The following SAMD11 variants were observed in gnomAD, a reference collection of about 807,000 sequenced individuals.
SAMD11 encodes the protein sterile alpha motif domain-containing protein 11.
SAMD11 carries 77 observed loss-of-function variants against 64.4 expected under a neutral mutation model. The ratio of observed to expected loss-of-function variants is 1.20; its 90% CI spans 0.99 to 1.44. SAMD11 has a LOEUF of 1.44. SAMD11 is among the 40% of genes most tolerant of loss of function. The probability of loss-of-function intolerance (pLI) is 0.00; values close to 1 mark genes in which losing one functional copy is unlikely to be tolerated. For synonymous variants in SAMD11, 658 were observed against 421.9 expected, an observed-to-expected ratio of 1.56 and a Z score of -6.86; for missense variants, 1,402 against 943.3, an observed-to-expected ratio of 1.49 and a Z score of -6.37.
chr1:933,544 CCAGAGGGGGGACCCCTGGGGAGAA>C (rs1406027023), intron 4 of SAMD11, among the ~76,000 whole-genome samples: 1 of 104,746 alleles, frequency 9.5e-6, no homozygotes, highest in Non-Finnish European at 2.4e-5. Context: ...CCTGGGGACA[CCAGAGGGGGGACCCCTGGGGAGAA>C]CTCCATGGCA....
At chr1:927,303 G>C (rs115239915) in intron 2 of SAMD11, among the ~76,000 whole-genome samples, 1 of 152,150 alleles carries the variant, frequency 6.6e-6, no homozygotes, top group African/African-American at 2.4e-5. Context: ...CCTAGCCTTG[G>C]GTCTCTGTTT....
chr1:925,895 C>G (rs199884417), intron 1 of SAMD11, 27 bp from the exon 2 acceptor site: 3 of 1,548,856 alleles, frequency 1.9e-6, no homozygotes, highest in African/African-American at 1.4e-5. Context: ...CGCTCCCTCA[C>G]AGGGTCTGCC....
rs574348084 is a variant in SAMD11, at chr1:932,957, C to T, written c.842+1868C>T. 2.8e-3 allele frequency among the ~76,000 whole-genome samples: 419 copies of T among 152,310 alleles called. 4 individuals carry two copies. The highest frequency in any genetic ancestry group is 4.5e-3 in the Non-Finnish European group (309 of 68,006). Reference sequence around the variant, plus strand: ...AGGCCGTGTGGTCATCAATGAGGGGCGGTGGCGGGAGGCCCATGCGTGGGC... The same window carrying T: ...AGGCCGTGTGGTCATCAATGAGGGGTGGTGGCGGGAGGCCCATGCGTGGGC... On this transcript the variant is annotated intron_variant, in intron 4 of 13. Transcript: ENST00000616016.
intron 1 of SAMD11, among the ~76,000 whole-genome samples, chr1:925,343 G>C (rs1198062242): frequency 6.7e-6 from 1 of 150,164 alleles, no homozygotes; most frequent in Admixed American, 6.6e-5. Flanking sequence ...CGGCGGGGGA[G>C]GCTGCGGGGC....
chr1:929,290 C>T (rs1041571026), intron 2 of SAMD11, among the ~76,000 whole-genome samples: 1 of 152,222 alleles, frequency 6.6e-6, no homozygotes, highest in Non-Finnish European at 1.5e-5. Flanking sequence ...CCGAGGCACC[C>T]ACAGCTCCAC....
At chr1:939,733 G>A (rs1009236748) in intron 7 of SAMD11, among the ~76,000 whole-genome samples, 6 of 152,148 alleles carry the variant, frequency 3.9e-5, no homozygotes, top group Non-Finnish European at 5.9e-5. Context: ...AGCACCCCCC[G>A]AGGAGAGCAA....
At position 935,807 on chromosome 1, in the gene SAMD11, T is replaced by C. The variant is rs1641402543; in HGVS notation, c.878T>C (p.Val293Ala). Residue 293 changes from valine to alanine, a missense_variant, in exon 5 of 14, where the codon GTC becomes GCC. Physicochemically the swap from Val to Ala is moderately conservative, Grantham distance 64. Transcript: ENST00000616016. ...DGNLPTLISS[V>A]HRSRHLVMPE... is the part of the protein sequence containing the mutation. The stretch of plus-strand genomic sequence containing the variant: ...AACCTTCCCACCCTCATATCCAGCG[T>C]CCACCGCAGCCGCCACCTCGTTATG... 1 of 1,613,336 alleles carries C rather than the reference T, an allele frequency of 6.2e-7. No individual in the cohort carries two copies. The highest frequency in any genetic ancestry group is 1.1e-5 in the South Asian group (1 of 91,074).
rs770459310 is a variant in SAMD11, at chr1:943,239, G to A, written c.2054-14G>A. On this transcript the variant is annotated splice_polypyrimidine_tract_variant and intron_variant, in intron 11 of 13. Coordinates refer to ENST00000616016, the MANE Select transcript of SAMD11 (RefSeq NM_001385641.1). ...AAGCCAGCCAGAGCCCTAGTAACAC[G>A]CCCCACAACTCAGGCGCGGTAGGGG... 29 of 1,612,458 alleles carry A rather than the reference G, an allele frequency of 1.8e-5. No homozygotes were observed. The highest frequency in any genetic ancestry group is 1.2e-4 in the South Asian group (11 of 90,972).
intron 4 of SAMD11, among the ~76,000 whole-genome samples, chr1:931,511 G>A (rs1383373025): frequency 6.6e-6 from 1 of 152,214 alleles, no homozygotes; most frequent in East Asian, 1.9e-4. Context: ...GTGTGTAGGA[G>A]CTCTAAGGCG....
intron 4 of SAMD11, 69 bp from the exon 5 acceptor site, chr1:935,703 C>T: frequency 1.2e-6 from 2 of 1,601,088 alleles, no homozygotes; most frequent in Non-Finnish European, 1.7e-6. Context: ...TAGGCACTCC[C>T]TGTGCCCAGG....
chr1:943,205 G>A (rs372259154), intron 11 of SAMD11, 48 bp from the exon 12 acceptor site: 13 of 1,610,472 alleles, frequency 8.1e-6, no homozygotes, highest in East Asian at 2.2e-5. Flanking sequence ...GAGACGGGCG[G>A]GTATGGGAAA....
At chr1:940,385 G>C (rs1244060731) in intron 7 of SAMD11, 1 of 150,620 alleles carries the variant, frequency 6.6e-6, no homozygotes, top group Admixed American at 6.7e-5. Flanking sequence ...GCCCCGCTGG[G>C]ATCGATGCGG....
chr1:935,426 C>CGGAGTTCCTCT (rs59561572), intron 4 of SAMD11, among the ~76,000 whole-genome samples: 5 of 152,022 alleles, frequency 3.3e-5, no homozygotes, highest in African/African-American at 1.2e-4. Context: ...TCTTCCCGGG[C>CGGAGTTCCTCT]GCCCGGTGGG....
Position 942,878 on chromosome 1 carries a change from G to A in SAMD11, c.1873G>A (p.Glu625Lys), listed in dbSNP as rs1557610691. 2 of 1,554,824 alleles carry A rather than the reference G, an allele frequency of 1.3e-6. No homozygotes were observed. The highest frequency in any genetic ancestry group is 1.4e-5 in the African/African-American group (1 of 73,724). Residue 625 changes from glutamate (E) to lysine (K), a missense_variant, in exon 11 of 14, where the codon GAA becomes AAA. Physicochemically the swap from Glu to Lys is moderately conservative, Grantham distance 56 (BLOSUM62 1). Transcript: ENST00000616016. ...TAGGCTCTGGGCACAAGATGGCTCG[G>A]AAGACGAGCCCCCCAAAGACTCGGA... ...GARLWAQDGS[E>K]DEPPKDSDGE...
chr1:941,452 C>G, intron 8 of SAMD11, 146 bp downstream of exon 8: 1 of 824,142 alleles, frequency 1.2e-6, no homozygotes, highest in Non-Finnish European at 1.8e-6. Flanking sequence ...GGGGGTGACA[C>G]CGATCTGGGC....
Position 942,134 on chromosome 1 carries a change from A to G in SAMD11, c.1359-2A>G. ...CGCCGCTCATTGCGCTGCCGTCCAC[A>G]GGGAGCTGCCTCAGCCGCCCCCCTT... On this transcript the variant is annotated splice_acceptor_variant, in intron 8 of 13. Transcript: ENST00000616016. LOFTEE classifies it high-confidence loss of function. The G allele has an allele frequency of 7.7e-7, 1 of 1,304,348 alleles. No homozygotes were observed. The highest frequency in any genetic ancestry group is 2.4e-5 in the Admixed American group (1 of 41,238). 80.8% of individuals were successfully genotyped at this position (1,304,348 alleles called of 1,614,324 possible).
chr1:929,402 C>T (rs942695415), intron 2 of SAMD11, among the ~76,000 whole-genome samples: 2 of 152,196 alleles, frequency 1.3e-5, no homozygotes, highest in Admixed American at 6.5e-5. Flanking sequence ...GAGGGCTCCT[C>T]GTCTGGTGAC....
In SAMD11 at chr1:925,989, G is replaced by A. The variant is rs757442420; in HGVS notation, c.585G>A (p.Pro195=). The A allele has an allele frequency of 9.3e-6, 15 of 1,611,912 alleles. No individual in the cohort carries two copies. The highest frequency in any genetic ancestry group is 1.3e-5 in the African/African-American group (1 of 74,942). Residue 195 remains proline (P), a synonymous_variant, in exon 2 of 14, where the codon CCG becomes CCA. Coordinates refer to ENST00000616016, the MANE Select transcript of SAMD11 (RefSeq NM_001385641.1). Reference sequence around the variant, plus strand: ...TGCATCCTCCGATCTGCGACTGCCCGGGCTGCCGAATATCCTCCCCGGTGG... The same window carrying A: ...TGCATCCTCCGATCTGCGACTGCCCAGGCTGCCGAATATCCTCCCCGGTGG... ...LQVHPPICDC[P]GCRISSPVNR...
chr1:930,929 G>T (rs1641137497), intron 3 of SAMD11, 110 bp from the exon 4 acceptor site: 12 of 1,073,394 alleles, frequency 1.1e-5, no homozygotes, highest in Non-Finnish European at 1.7e-5. Context: ...GCCCAGGGCT[G>T]TGGCCCAGCG....
Sources: allele counts gnomAD v4.1 joint callset (sites outside exome capture counted in the v4.1 genomes callset), GRCh38; gene constraint gnomAD v4.1.1; transcripts MANE v1.5; gene names NCBI Gene and HGNC (gene_info 2026-07-23, HGNC 2026-07-21).